SMARCA5: variants seen among roughly 807,000 people sequenced by gnomAD.
The protein encoded by SMARCA5 is SNF2 related chromatin remodeling ATPase 5, also known as SWI/SNF-related matrix-associated actin-dependent regulator of chromatin subfamily A member 5.
Under a neutral mutation model 140.4 loss-of-function variants are expected in SMARCA5, and 18 were observed. That is an observed-to-expected ratio of 0.13 (90% confidence interval 0.09 to 0.19). The LOEUF is 0.19. SMARCA5 is among the 10% of genes least tolerant of loss of function. SMARCA5 has a pLI of 1.00. For missense variants in SMARCA5, 606 were observed against 1,276.8 expected, an observed-to-expected ratio of 0.47 and a Z score of 8.01; for synonymous variants, 449 against 419.6, an observed-to-expected ratio of 1.07 and a Z score of -0.86.
intron 9 of SMARCA5, among the ~76,000 whole-genome samples, chr4:143,533,498 CTTTTT>C (rs10580434): frequency 1.6e-5 from 2 of 127,550 alleles, no homozygotes; most frequent in Admixed American, 8.2e-5. Context: ...CTTGTCCATT[CTTTTT>C]TTTTTTTTTT....
In SMARCA5 at chr4:143,554,064, T is replaced by C. The variant is rs183096484; in HGVS notation, c.*880T>C. The stretch of plus-strand genomic sequence containing the variant: ...GAAATTGGTAACAAAATATATCCCC[T>C]CCCATTTGGACTTTTAGGGTAAATG... On this transcript the variant is annotated 3_prime_UTR_variant, in exon 24 of 24. Transcript: ENST00000283131. The C allele has an allele frequency of 4.6e-5, 7 of 152,028 alleles. No individual in the cohort carries two copies. Among genetic ancestry groups the C allele is most frequent in the Admixed American group, 4.6e-4 (7 of 15,270 alleles). 9.4% of individuals were successfully genotyped at this position (152,028 alleles called of 1,614,324 possible).
intron 9 of SMARCA5, among the ~76,000 whole-genome samples, chr4:143,533,498 CT>C (rs10580434): frequency 7.2e-4 from 92 of 127,514 alleles, no homozygotes; most frequent in Middle Eastern, 4.0e-3. Context: ...CTTGTCCATT[CT>C]TTTTTTTTTT....
chr4:143,523,715 C>T (rs1302329616), intron 3 of SMARCA5, among the ~76,000 whole-genome samples: 6 of 152,104 alleles, frequency 3.9e-5, no homozygotes, highest in East Asian at 1.9e-4. Flanking sequence ...TTAGATTCAG[C>T]GGTCTCAACA....
At chr4:143,552,441 A>C (rs1000806990) in intron 23 of SMARCA5, among the ~76,000 whole-genome samples, 4 of 151,946 alleles carry the variant, frequency 2.6e-5, no homozygotes, top group African/African-American at 9.7e-5. Flanking sequence ...AAAAGTACAA[A>C]TTTAGCTTGA....
chr4:143,551,083 C>T (rs535878939), intron 23 of SMARCA5, among the ~76,000 whole-genome samples: 1 of 151,840 alleles, frequency 6.6e-6, no homozygotes, highest in South Asian at 2.1e-4. Flanking sequence ...TATTGCCTGA[C>T]TTTTGGATAA....
chr4:143,524,974 G>A (rs1211759441), intron 4 of SMARCA5, among the ~76,000 whole-genome samples: 1 of 151,126 alleles, frequency 6.6e-6, no homozygotes, highest in Non-Finnish European at 1.5e-5. Context: ...AAAATAAGTA[G>A]TATACCCTGA....
At chr4:143,534,510 A>G (rs1036074334) in intron 9 of SMARCA5, among the ~76,000 whole-genome samples, 9 of 152,360 alleles carry the variant, frequency 5.9e-5, no homozygotes, top group African/African-American at 1.9e-4. Context: ...GGTATAGTGT[A>G]ACAACTATTA....
chr4:143,539,066 GA>G (rs1737373882), intron 13 of SMARCA5, 128 bp downstream of exon 13: 6 of 799,478 alleles, frequency 7.5e-6, no homozygotes, highest in South Asian at 6.8e-5. Flanking sequence ...GGTTCAGTGA[GA>G]GTATATTGAG....
In SMARCA5 at chr4:143,513,852, A is replaced by G. The variant is rs562073150; in HGVS notation, c.-73A>G. 131 of 1,475,482 alleles carry G rather than the reference A, an allele frequency of 8.9e-5. No homozygotes were observed. The highest frequency in any genetic ancestry group is 8.8e-4 in the Middle Eastern group (4 of 4,524). The allele number at this position is 1,475,482 out of a possible 1,614,324, so 91.4% of individuals were successfully genotyped here. A position where few individuals can be genotyped will look rare whatever the true frequency, so the allele number is the denominator to read the frequency against. ...ACCAGTTTATTGCGACGTAGCATCC[A>G]GGCCTAGGCCTCCCCGTCCATCCCC... On this transcript the variant is annotated 5_prime_UTR_variant, in exon 1 of 24. Coordinates refer to ENST00000283131, the MANE Select transcript of SMARCA5 (RefSeq NM_003601.4).
rs1236139124 is a variant in SMARCA5 at position 143,538,887 on chromosome 4, A to G, written c.1719A>G (p.Val573=). Residue 573 remains valine (V), a synonymous_variant, in exon 13 of 24, where the codon GTA becomes GTG. Coordinates refer to ENST00000283131, the MANE Select transcript of SMARCA5 (RefSeq NM_003601.4). ...GLGINLATAD[V]VILYDSDWNP... ...GCATCAATCTTGCGACTGCTGATGT[A>G]GTAATTTTGTATGATTCTGATTGGA... 3.7e-6 allele frequency: 6 copies of G among 1,613,992 alleles called. No homozygotes were observed. Among genetic ancestry groups the G allele is most frequent in the South Asian group, 1.1e-5 (1 of 91,076 alleles).
At chr4:143,522,039 T>G (rs968418459) in intron 3 of SMARCA5, among the ~76,000 whole-genome samples, 1 of 152,020 alleles carries the variant, frequency 6.6e-6, no homozygotes, top group Non-Finnish European at 1.5e-5. Flanking sequence ...AATGCAGAGG[T>G]TAAGTGGCTT....
At chr4:143,542,637 A>C (rs1052486296) in intron 14 of SMARCA5, among the ~76,000 whole-genome samples, 3 of 152,196 alleles carry the variant, frequency 2.0e-5, no homozygotes, top group Non-Finnish European at 2.9e-5. Flanking sequence ...GTTGGTTGGC[A>C]TATAAAAATC....
rs1346492952 is a variant in SMARCA5, at chr4:143,546,815, A to G, written c.2560A>G (p.Ile854Val). ...GAATAAGAGAGATTTTAACCAGTTT[A>G]TCAAAGCTAATGAGAAGTGGGGTCG... is the stretch of plus-strand genomic sequence containing the variant. ...NWNKRDFNQF[I>V]KANEKWGRDD... is the part of the protein sequence containing the mutation. Residue 854 changes from isoleucine to valine, a missense_variant, in exon 20 of 24, where the codon ATC becomes GTC. This residue lies in a region of SMARCA5 where 121 missense variants were observed against 227.1 expected (regional missense o/e 0.53). Coordinates refer to ENST00000283131, the MANE Select transcript of SMARCA5 (RefSeq NM_003601.4). 1 of 1,612,522 alleles carries G rather than the reference A, an allele frequency of 6.2e-7. No individual in the cohort carries two copies. The highest frequency in any genetic ancestry group is 1.3e-5 in the African/African-American group (1 of 75,002).
chr4:143,553,040 A>C, intron 23 of SMARCA5, 79 bp from the exon 24 acceptor site: 1 of 1,046,692 alleles, frequency 9.6e-7, no homozygotes. Context: ...TGTTATTACT[A>C]AAGTGTTATA....
At chr4:143,537,700 A>G (rs1326718197) in intron 11 of SMARCA5, among the ~76,000 whole-genome samples, 1 of 152,100 alleles carries the variant, frequency 6.6e-6, no homozygotes, top group Non-Finnish European at 1.5e-5. Context: ...AGATCACCTA[A>G]GGTCAAGAGT....
chr4:143,537,551 G>A (rs187844657), intron 11 of SMARCA5, among the ~76,000 whole-genome samples: 2 of 152,266 alleles, frequency 1.3e-5, no homozygotes, highest in Admixed American at 1.3e-4. Context: ...AATTAAAGGA[G>A]TTAAATTGGT....
intron 9 of SMARCA5, among the ~76,000 whole-genome samples, chr4:143,531,708 T>C (rs1737188984): frequency 6.6e-6 from 1 of 152,216 alleles, no homozygotes; most frequent in South Asian, 2.1e-4. Flanking sequence ...GGCATCTGTT[T>C]TACTTCTTCA....
At chr4:143,518,485 C>CT (rs1394469669) in intron 2 of SMARCA5, among the ~76,000 whole-genome samples, 2 of 152,122 alleles carry the variant, frequency 1.3e-5, no homozygotes, top group East Asian at 3.9e-4. Flanking sequence ...TTCTTTCTGT[C>CT]TTCAGTACCC....
intron 1 of SMARCA5, 50 bp downstream of exon 1, chr4:143,514,151 T>C: frequency 6.9e-7 from 1 of 1,448,670 alleles, no homozygotes; most frequent in Non-Finnish European, 9.1e-7. Flanking sequence ...GAGGAGGAGC[T>C]GGCTCCCTCG....
Sources: gnomAD v4.1 joint callset for allele counts (sites outside exome capture counted in the v4.1 genomes callset) on GRCh38, gnomAD v4.1.1 for gene constraint, gnomAD v4.1.1 regional missense constraint, MANE v1.5 for transcripts, NCBI Gene and HGNC (gene_info 2026-07-23, HGNC 2026-07-21) for gene names.